SH3BP5: variants seen among roughly 807,000 people sequenced by gnomAD.
SH3BP5 encodes the protein SH3 domain binding protein 5, also known as SH3 domain-binding protein 5.
In SH3BP5, 22 loss-of-function variants were observed where a neutral mutation model predicts 43.3. The observed-to-expected ratio is 0.51, with a 90% CI of 0.36 to 0.73. The LOEUF (loss-of-function observed/expected upper bound fraction) is 0.73, where lower values mean the gene tolerates loss of function less well. Among genes scored for constraint, SH3BP5 ranks in the 30% least tolerant of loss-of-function variants. The pLI is 0.00. For missense variants in SH3BP5, 529 were observed against 586.9 expected, an observed-to-expected ratio of 0.90 and a Z score of 1.02; for synonymous variants, 255 against 225.8, an observed-to-expected ratio of 1.13 and a Z score of -1.16.
At chr3:15,264,430 T>A (rs913691403) in intron 4 of SH3BP5, 2 of 152,230 alleles carry the variant, frequency 1.3e-5, no homozygotes, top group Non-Finnish European at 2.9e-5. Context: ...ATTCAAGAAT[T>A]GTAACATCAC....
intron 6 of SH3BP5, chr3:15,259,402 C>T: frequency 1.9e-6 from 1 of 513,378 alleles, no homozygotes; most frequent in South Asian, 2.1e-5. Context: ...ATCAAAATCC[C>T]CTTGGGTGTT....
intron 4 of SH3BP5, among the ~76,000 whole-genome samples, chr3:15,269,050 G>C (rs921835799): frequency 6.6e-6 from 1 of 152,100 alleles, no homozygotes; most frequent in Non-Finnish European, 1.5e-5. Context: ...TTAGTATTTT[G>C]TCTTGGCCTG....
rs868291477 is a variant in SH3BP5, at chr3:15,254,892, C to G, written c.*1194G>C. ...TTTTATTACACTTAGTGTATTAAGACAAGTACAAAATAACCTTGTAATTAA... is the reference window on the plus strand; with the variant it reads ...TTTTATTACACTTAGTGTATTAAGAGAAGTACAAAATAACCTTGTAATTAA... On this transcript the variant is annotated 3_prime_UTR_variant, in exon 9 of 9. Transcript: ENST00000383791. 12 of 152,062 alleles carry G rather than the reference C, an allele frequency of 7.9e-5. No individual in the cohort carries two copies. The highest frequency in any genetic ancestry group is 1.5e-4 in the Non-Finnish European group (10 of 68,000). The allele number at this position is 152,062 out of a possible 1,614,324, so 9.4% of individuals were successfully genotyped here. A position where few individuals can be genotyped will look rare whatever the true frequency, so the allele number is the denominator to read the frequency against.
At chr3:15,320,641 C>CACA (rs56319701) in intron 2 of SH3BP5, among the ~76,000 whole-genome samples, 6 of 128,648 alleles carry the variant, frequency 4.7e-5, no homozygotes, top group Admixed American at 7.6e-5. Context: ...CACACACACA[C>CACA]CCCACTACGT....
intron 4 of SH3BP5, 129 bp downstream of exon 4, chr3:15,269,584 T>C (rs1696739920): frequency 3.0e-6 from 3 of 993,610 alleles, no homozygotes; most frequent in Admixed American, 5.6e-5. Flanking sequence ...CATACGGAGA[T>C]GACAACCTGT....
Position 15,312,523 on chromosome 3 carries a change from C to T in SH3BP5, c.202-8292G>A, listed in dbSNP as rs114973132. On this transcript the variant is annotated intron_variant, in intron 2 of 8. Transcript: ENST00000383791. The stretch of plus-strand genomic sequence containing the variant: ...GCCAAAAAATCTCCAGTGTGCTGCA[C>T]GCCACCTGCCCTCAGGCCTGCTCTA... 2.3e-3 allele frequency among the ~76,000 whole-genome samples: 357 copies of T among 152,282 alleles called. 4 individuals carry two copies. The South Asian group carries it at 0.034, about 14-fold the overall frequency.
intron 3 of SH3BP5, among the ~76,000 whole-genome samples, chr3:15,296,366 A>C (rs1016537222): frequency 6.6e-5 from 10 of 151,442 alleles, no homozygotes; most frequent in African/African-American, 1.2e-4. Context: ...ACACACACAC[A>C]CACCCCTATC....
chr3:15,265,345 G>A (rs149704141), intron 4 of SH3BP5, among the ~76,000 whole-genome samples: 66 of 152,142 alleles, frequency 4.3e-4, no homozygotes, highest in African/African-American at 1.5e-3. Context: ...GTGAAACCAC[G>A]TCTCTACTAA....
At chr3:15,262,132 C>T (rs1452270253) in intron 5 of SH3BP5, 27 bp downstream of exon 5, 1 of 1,612,940 alleles carries the variant, frequency 6.2e-7, no homozygotes, top group Non-Finnish European at 8.5e-7. Flanking sequence ...GCCGCACGGC[C>T]CCAGGGAAGG....
intron 3 of SH3BP5, among the ~76,000 whole-genome samples, chr3:15,300,292 C>G (rs1040170793): frequency 1.3e-5 from 2 of 152,118 alleles, no homozygotes; most frequent in African/African-American, 4.8e-5. Context: ...TTGTCAAACA[C>G]ATTATCTCAC....
chr3:15,301,343 T>C (rs9831807), intron 3 of SH3BP5, among the ~76,000 whole-genome samples: 63,393 of 152,032 alleles, frequency 0.42, 13,809 homozygotes, highest in East Asian at 0.58. Flanking sequence ...GGTCTGTTGG[T>C]GGCTCCCCAA....
chr3:15,307,235 T>C (rs1404492674), intron 2 of SH3BP5, among the ~76,000 whole-genome samples: 2 of 152,172 alleles, frequency 1.3e-5, no homozygotes, highest in African/African-American at 4.8e-5. Flanking sequence ...TTCCTCTGCC[T>C]TCTCCCTTAT....
At chr3:15,335,250 T>C (rs1166134415), upstream of SH3BP5, among the ~76,000 whole-genome samples, 1 of 152,026 alleles carries the variant, frequency 6.6e-6, no homozygotes, top group Non-Finnish European at 1.5e-5. Flanking sequence ...TGGTGGCACA[T>C]GCCTGTAATC....
chr3:15,280,347 G>T (rs1239564612), intron 3 of SH3BP5, among the ~76,000 whole-genome samples: 2 of 152,028 alleles, frequency 1.3e-5, no homozygotes, highest in Non-Finnish European at 2.9e-5. Context: ...CAAGGCAGGG[G>T]CCTGAGCTGG....
At position 15,261,590 on chromosome 3, in the gene SH3BP5, T is replaced by C. The variant is rs1039886933; in HGVS notation, c.626+569A>G. 8.5e-5 allele frequency among the ~76,000 whole-genome samples: 13 copies of C among 152,202 alleles called. No individual in the cohort carries two copies. In the East Asian group the frequency reaches 1.2e-3, roughly 14 times the overall value. The stretch of plus-strand genomic sequence containing the variant: ...CTCCTTTTGCTAGGAGGCCTAGCAA[T>C]TGGGAATGAAGCAGGGGGCTTGTCC... On this transcript the variant is annotated intron_variant, in intron 5 of 8. Coordinates refer to ENST00000383791, the MANE Select transcript of SH3BP5 (RefSeq NM_004844.5).
intron 3 of SH3BP5, among the ~76,000 whole-genome samples, chr3:15,272,534 C>CAT (rs1291953355): frequency 1.7e-5 from 2 of 119,880 alleles, no homozygotes; most frequent in Admixed American, 7.9e-5. Flanking sequence ...ACTCTAAAGA[C>CAT]ATTACAAAAC....
intron 3 of SH3BP5, among the ~76,000 whole-genome samples, chr3:15,282,735 C>G (rs1347661140): frequency 6.6e-6 from 1 of 150,948 alleles, no homozygotes; most frequent in East Asian, 1.9e-4. Flanking sequence ...AGGTTCTTAC[C>G]TGTTAGAGAT....
chr3:15,330,560 G>A lies in SH3BP5; in HGVS notation c.145C>T (p.Leu49=). ...TCCGTGGACTGATTTAACTTCTCCAGTTCTCCCTGGTGAAGAAAAGAGGGA... is the reference window on the plus strand; with the variant it reads ...TCCGTGGACTGATTTAACTTCTCCAATTCTCCCTGGTGAAGAAAAGAGGGA... ...EEVDPRIQGE[L]EKLNQSTDDI... is the part of the protein sequence containing the mutation. Residue 49 remains leucine (L), a synonymous_variant, in exon 2 of 9, where the codon CTG becomes TTG. Coordinates refer to ENST00000383791, the MANE Select transcript of SH3BP5 (RefSeq NM_004844.5). The A allele has an allele frequency of 6.2e-7, 1 of 1,601,596 alleles. No homozygotes were observed. Among genetic ancestry groups the A allele is most frequent in the Non-Finnish European group, 8.5e-7 (1 of 1,174,842 alleles).
At chr3:15,271,401 T>C (rs1198844481) in intron 3 of SH3BP5, among the ~76,000 whole-genome samples, 3 of 151,998 alleles carry the variant, frequency 2.0e-5, no homozygotes, top group Non-Finnish European at 4.4e-5. Flanking sequence ...TCACAGAGGC[T>C]GGGCACGGTG....
Sources: allele counts gnomAD v4.1 joint callset (sites outside exome capture counted in the v4.1 genomes callset), GRCh38; gene constraint gnomAD v4.1.1; transcripts MANE v1.5; gene names NCBI Gene and HGNC (gene_info 2026-07-23, HGNC 2026-07-21).